ANXA8: variants seen among roughly 807,000 people sequenced by gnomAD.
ANXA8 encodes VAC-beta.
Under a neutral mutation model 26.8 loss-of-function variants are expected in ANXA8, and 9 were observed. The ratio of observed to expected loss-of-function variants is 0.34; its 90% CI spans 0.20 to 0.59. The LOEUF (loss-of-function observed/expected upper bound fraction) is 0.59, where lower values mean the gene tolerates loss of function less well. ANXA8 is among the 20% of genes least tolerant of loss of function. The pLI is 0.84. For missense variants in ANXA8, 83 were observed against 238.5 expected (o/e 0.35, Z 4.29); for synonymous variants, 39 against 94.8 (o/e 0.41, Z 3.42).
At chr10:47,639,377 A>ATC in the ANXA8 span, among the ~76,000 whole-genome samples, 8 of 109,866 alleles carry the variant, frequency 7.3e-5, no homozygotes, top group Admixed American at 4.5e-4. Context: ...CAGTGGCGCC[A>ATC]TCTCCGCTCA....
chr10:47,762,078 CT>C, the ANXA8 span, among the ~76,000 whole-genome samples: 1 of 127,568 alleles, frequency 7.8e-6, no homozygotes, highest in Non-Finnish European at 1.7e-5. Context: ...TACCTTCCCC[CT>C]GGTCTGCAAT....
chr10:47,733,295 C>CTTTCTTTCTT, the ANXA8 span, among the ~76,000 whole-genome samples: 4 of 56,252 alleles, frequency 7.1e-5, no homozygotes, highest in African/African-American at 2.7e-4. Flanking sequence ...TTCTTTCTTT[C>CTTTCTTTCTT]TTTTTTTTCT....
At chr10:47,659,962 G>A in the ANXA8 span, among the ~76,000 whole-genome samples, 1 of 149,448 alleles carries the variant, frequency 6.7e-6, no homozygotes, top group Non-Finnish European at 1.5e-5. Context: ...TCACCATGTT[G>A]CCCAGGCTGG....
At chr10:47,652,918 G>T in the ANXA8 span, among the ~76,000 whole-genome samples, 2 of 151,214 alleles carry the variant, frequency 1.3e-5, no homozygotes, top group Admixed American at 6.6e-5. Context: ...TTAGCCAAAA[G>T]TCTGAGTAGT....
At chr10:47,645,552 G>T in the ANXA8 span, among the ~76,000 whole-genome samples, 1 of 151,238 alleles carries the variant, frequency 6.6e-6, no homozygotes, top group South Asian at 2.1e-4. Context: ...AGAGAAAGAA[G>T]AAGAAAAGAG....
At chr10:47,981,245 A>G in the ANXA8 span, among the ~76,000 whole-genome samples, 7 of 150,854 alleles carry the variant, frequency 4.6e-5, no homozygotes, top group Non-Finnish European at 7.4e-5. Context: ...GACAAAATCA[A>G]TATCCTTTCA....
At chr10:47,545,936 C>T in the ANXA8 span, among the ~76,000 whole-genome samples, 8 of 41,374 alleles carry the variant, frequency 1.9e-4, no homozygotes, top group East Asian at 2.0e-3. Flanking sequence ...GAAACCACCA[C>T]CCTCTGACTT....
the ANXA8 span, among the ~76,000 whole-genome samples, chr10:47,526,511 A>G: frequency 3.0e-5 from 4 of 131,966 alleles, no homozygotes; most frequent in Admixed American, 7.4e-5. Flanking sequence ...CCAACTCTCA[A>G]TGAGTTTAGG....
the ANXA8 span, among the ~76,000 whole-genome samples, chr10:47,675,720 A>G: frequency 7.2e-5 from 11 of 151,780 alleles, no homozygotes; most frequent in Non-Finnish European, 1.3e-4. Flanking sequence ...AAAAGTTACA[A>G]GGCACAAGAA....
chr10:47,651,538 A>G, the ANXA8 span, among the ~76,000 whole-genome samples: 1 of 150,588 alleles, frequency 6.6e-6, no homozygotes, highest in Non-Finnish European at 1.5e-5. Context: ...AATAGCAACA[A>G]TATTCATAAT....
At chr10:47,954,464 T>G in the ANXA8 span, among the ~76,000 whole-genome samples, 1 of 150,978 alleles carries the variant, frequency 6.6e-6, no homozygotes, top group African/African-American at 2.5e-5. Context: ...TTAAATACAA[T>G]GAATAAGATG....
chr10:47,474,827 A>G, intron 7 of ANXA8, 118 bp downstream of exon 7: 7 of 1,281,504 alleles, frequency 5.5e-6, no homozygotes, highest in Non-Finnish European at 5.4e-6. Flanking sequence ...ACAAAGGCCT[A>G]TAGGGAGCTG....
the ANXA8 span, among the ~76,000 whole-genome samples, chr10:47,673,150 C>T: frequency 6.6e-6 from 1 of 151,516 alleles, no homozygotes; most frequent in African/African-American, 2.4e-5. Context: ...CACCAAAGAG[C>T]AAGTATGCAC....
chr10:47,945,406 C>T, the ANXA8 span, among the ~76,000 whole-genome samples: 1 of 150,784 alleles, frequency 6.6e-6, no homozygotes, highest in Non-Finnish European at 1.5e-5. Flanking sequence ...TACCCTGAGG[C>T]GGCCTCACCC....
chr10:47,504,846 CTTTTTTTTTTTTTTT>C, the ANXA8 span, among the ~76,000 whole-genome samples: 3 of 46,842 alleles, frequency 6.4e-5, no homozygotes, highest in Admixed American at 4.7e-4. Flanking sequence ...CATAACTGTT[CTTTTTTTTTTTTTTT>C]TTTTTTTTTT....
At chr10:47,666,198 AC>A in the ANXA8 span, among the ~76,000 whole-genome samples, 16 of 51,304 alleles carry the variant, frequency 3.1e-4, no homozygotes, top group African/African-American at 1.1e-3. Context: ...CCCATCCCCC[AC>A]CCCCCGCCTC....
chr10:47,497,896 G>C, the ANXA8 span, among the ~76,000 whole-genome samples: 1 of 150,480 alleles, frequency 6.6e-6, no homozygotes, highest in Non-Finnish European at 1.5e-5. Flanking sequence ...CCGAGACGGC[G>C]CCATTGCACT....
chr10:47,684,889 G>A, the ANXA8 span, among the ~76,000 whole-genome samples: 37 of 149,162 alleles, frequency 2.5e-4, no homozygotes, highest in African/African-American at 7.9e-4. Context: ...CCCAGCCTGC[G>A]ATTGTTTTTT....
At chr10:47,587,525 A>G in the ANXA8 span, among the ~76,000 whole-genome samples, 2 of 146,758 alleles carry the variant, frequency 1.4e-5, no homozygotes, top group Admixed American at 6.6e-5. Flanking sequence ...ACTCCTCACA[A>G]CAATCGTCTG....
Sources: gnomAD v4.1 joint callset for allele counts (sites outside exome capture counted in the v4.1 genomes callset) on GRCh38, gnomAD v4.1.1 for gene constraint, MANE v1.5 for transcripts, NCBI Gene and HGNC (gene_info 2026-07-23, HGNC 2026-07-21) for gene names.